The following MACROD2 variants were observed in gnomAD, a reference collection of about 807,000 sequenced individuals.
MACROD2 encodes ADP-ribose glycohydrolase MACROD2.
A neutral mutation model predicts 70.4 loss-of-function variants in MACROD2; 36 were observed. That is an observed-to-expected ratio of 0.51 (90% CI 0.39 to 0.68). The LOEUF (loss-of-function observed/expected upper bound fraction) is 0.68, where lower values mean the gene tolerates loss of function less well. MACROD2 is among the 30% of genes least tolerant of loss of function. MACROD2 has a pLI of 0.00. For synonymous variants in MACROD2, 172 were observed against 178.8 expected, an observed-to-expected ratio of 0.96 and a Z score of 0.30; for missense variants, 496 against 538.4, an observed-to-expected ratio of 0.92 and a Z score of 0.78.
At chr20:14,182,087 A>G (rs982498277) in intron 3 of MACROD2, among the ~76,000 whole-genome samples, 7 of 152,128 alleles carry the variant, frequency 4.6e-5, no homozygotes, top group Non-Finnish European at 1.0e-4. Flanking sequence ...AGGCTACACC[A>G]TTTTACATTC....
chr20:15,641,356 C>G (rs1301910332), intron 8 of MACROD2, among the ~76,000 whole-genome samples: 1 of 152,136 alleles, frequency 6.6e-6, no homozygotes, highest in Non-Finnish European at 1.5e-5. Flanking sequence ...AACAGTAGAT[C>G]CAGCAAAGTC....
intron 5 of MACROD2, among the ~76,000 whole-genome samples, chr20:14,959,870 C>A (rs1401494959): frequency 6.6e-6 from 1 of 152,168 alleles, no homozygotes; most frequent in Non-Finnish European, 1.5e-5. Flanking sequence ...CTTTAGAAAA[C>A]CCATCTGTAA....
intron 8 of MACROD2, among the ~76,000 whole-genome samples, chr20:15,510,948 A>C (rs2047491243): frequency 6.6e-6 from 1 of 152,238 alleles, no homozygotes; most frequent in Non-Finnish European, 1.5e-5. Flanking sequence ...GAATAGAAGA[A>C]TATTGGGGGA....
chr20:15,718,385 C>G (rs1463479760), intron 8 of MACROD2, among the ~76,000 whole-genome samples: 1 of 152,152 alleles, frequency 6.6e-6, no homozygotes, highest in Admixed American at 6.5e-5. Context: ...ACATTGGCTC[C>G]CAACTGTATA....
chr20:14,337,514 C>CCA (rs1485113973), intron 3 of MACROD2: 9 of 398,780 alleles, frequency 2.3e-5, no homozygotes, highest in African/African-American at 1.6e-4. Flanking sequence ...TGCGTCCAGT[C>CCA]CACACAAAGC....
intron 3 of MACROD2, among the ~76,000 whole-genome samples, chr20:14,173,540 A>C (rs1020781044): frequency 6.6e-6 from 1 of 152,068 alleles, no homozygotes; most frequent in African/African-American, 2.4e-5. Context: ...TTTAAAATTA[A>C]ATTTATTTGG....
rs543644792 is a variant in MACROD2, at chr20:15,082,319, T to C, written c.419-147621T>C. On this transcript the variant is annotated intron_variant, in intron 5 of 17. Coordinates refer to ENST00000684519, the MANE Select transcript of MACROD2 (RefSeq NM_001351661.2). The stretch of plus-strand genomic sequence containing the variant: ...AGATCATTAAGAAACAAACAAAAAC[T>C]TTTATATGGTCAGATTGTGTTTTAG... Among the ~76,000 whole-genome samples, 5 of 152,180 alleles carry C rather than the reference T, an allele frequency of 3.3e-5. No individual in the cohort carries two copies. The East Asian group carries it at 9.7e-4, about 29-fold the overall frequency.
chr20:14,529,887 A>G (rs2085281295), intron 4 of MACROD2, among the ~76,000 whole-genome samples: 1 of 152,222 alleles, frequency 6.6e-6, no homozygotes, highest in Non-Finnish European at 1.5e-5. Flanking sequence ...TTAAGCAAAG[A>G]GGGTAATAGT....
chr20:14,834,585 G>A (rs2073008464), intron 5 of MACROD2, among the ~76,000 whole-genome samples: 1 of 151,934 alleles, frequency 6.6e-6, no homozygotes, highest in South Asian at 2.1e-4. Flanking sequence ...ATTTATGTAT[G>A]CATTTTAAAA....
At chr20:14,130,831 T>A (rs2054707728) in intron 3 of MACROD2, among the ~76,000 whole-genome samples, 1 of 152,158 alleles carries the variant, frequency 6.6e-6, no homozygotes, top group Non-Finnish European at 1.5e-5. Flanking sequence ...ATTAGTAGAA[T>A]CTTCCTAATG....
chr20:15,955,740 AT>A (rs1397973199), intron 12 of MACROD2, among the ~76,000 whole-genome samples: 1 of 152,238 alleles, frequency 6.6e-6, no homozygotes, highest in Non-Finnish European at 1.5e-5. Flanking sequence ...AAGGAAAATA[AT>A]TTTAATTATA....
intron 5 of MACROD2, among the ~76,000 whole-genome samples, chr20:15,149,622 A>T (rs913996907): frequency 6.6e-6 from 1 of 151,974 alleles, no homozygotes; most frequent in African/African-American, 2.4e-5. Context: ...TTTGGAAGTT[A>T]TGAGAGCTGT....
intron 3 of MACROD2, among the ~76,000 whole-genome samples, chr20:14,186,814 A>G (rs1432648762): frequency 2.0e-5 from 3 of 152,228 alleles, no homozygotes; most frequent in African/African-American, 7.2e-5. Context: ...ATGCAGCTAG[A>G]AGCCATTTTC....
At chr20:14,481,278 A>G (rs1389749708) in intron 3 of MACROD2, among the ~76,000 whole-genome samples, 3 of 152,204 alleles carry the variant, frequency 2.0e-5, no homozygotes, top group African/African-American at 7.2e-5. Context: ...TTTAATAGCG[A>G]TGTATGTTTA....
chr20:15,742,008 G>A (rs2051112848), intron 8 of MACROD2, among the ~76,000 whole-genome samples: 1 of 152,142 alleles, frequency 6.6e-6, no homozygotes, highest in Non-Finnish European at 1.5e-5. Context: ...TCTACATTTT[G>A]TGAATGATTG....
rs577006300 is a variant in MACROD2 at position 15,154,521 on chromosome 20, T to G, written c.419-75419T>G. ...CTATAACAAAGTACCATAAACTGGGTGACTTATAAACAACAGGCATTTATT... is the reference window on the plus strand; with the variant it reads ...CTATAACAAAGTACCATAAACTGGGGGACTTATAAACAACAGGCATTTATT... On this transcript the variant is annotated intron_variant, in intron 5 of 17. Coordinates refer to ENST00000684519, the MANE Select transcript of MACROD2 (RefSeq NM_001351661.2). 1.9e-3 allele frequency among the ~76,000 whole-genome samples: 290 copies of G among 152,322 alleles called. 1 individual carries two copies. The highest frequency in any genetic ancestry group is 3.4e-3 in the Non-Finnish European group (232 of 68,020).
chr20:14,711,961 T>C (rs1465875189), intron 5 of MACROD2, among the ~76,000 whole-genome samples: 1 of 152,324 alleles, frequency 6.6e-6, no homozygotes, highest in East Asian at 1.9e-4. Context: ...TTCTTCCATC[T>C]GTATAGAACA....
intron 8 of MACROD2, among the ~76,000 whole-genome samples, chr20:15,830,313 A>G (rs986199603): frequency 6.6e-6 from 1 of 152,226 alleles, no homozygotes; most frequent in Non-Finnish European, 1.5e-5. Context: ...TAGGATAAGT[A>G]AGTGAAAACC....
chr20:14,202,407 T>G (rs1372723612), intron 3 of MACROD2, among the ~76,000 whole-genome samples: 1 of 152,216 alleles, frequency 6.6e-6, no homozygotes, highest in East Asian at 1.9e-4. Context: ...AAGAAACACT[T>G]CTGTTTTATA....
Sources: gnomAD v4.1 joint callset for allele counts (sites outside exome capture counted in the v4.1 genomes callset) on GRCh38, gnomAD v4.1.1 for gene constraint, MANE v1.5 for transcripts, NCBI Gene and HGNC (gene_info 2026-07-23, HGNC 2026-07-21) for gene names.